Variants in BST1 observed in about 807,000 individuals in gnomAD.
BST1 encodes ADP-ribosyl cyclase/cyclic ADP-ribose hydrolase 2.
A neutral mutation model predicts 40.6 loss-of-function variants in BST1; 49 were observed. The observed-to-expected ratio is 1.21, with a 90% CI of 0.96 to 1.53. BST1 has a LOEUF of 1.53. Among genes scored for constraint, BST1 ranks in the 40% most tolerant of loss-of-function variants. The pLI is 0.00. For missense variants in BST1, 423 were observed against 395.9 expected (o/e 1.07, Z -0.58); for synonymous variants, 157 against 159.3 (o/e 0.99, Z 0.11).
At chr4:15,736,243 AG>A, downstream of BST1, 1 of 674,368 alleles carries the variant, frequency 1.5e-6, no homozygotes, top group Non-Finnish European at 2.2e-6. Context: ...GTCCTACGCT[AG>A]GGTCCTGAGT....
At chr4:15,756,199 A>T in the BST1 span, among the ~76,000 whole-genome samples, 5 of 152,162 alleles carry the variant, frequency 3.3e-5, no homozygotes, top group Non-Finnish European at 7.4e-5. Flanking sequence ...AAAAGACTGC[A>T]GGGTGGGTTG....
At chr4:15,738,818 G>A (rs921014003), downstream of BST1, among the ~76,000 whole-genome samples, 4 of 152,186 alleles carry the variant, frequency 2.6e-5, no homozygotes, top group African/African-American at 9.7e-5. Flanking sequence ...TATTTCTCCT[G>A]CTGTGAAAAT....
chr4:15,764,171 C>G, the BST1 span, among the ~76,000 whole-genome samples: 1 of 151,818 alleles, frequency 6.6e-6, no homozygotes, highest in Non-Finnish European at 1.5e-5. Flanking sequence ...AATAGGAGAA[C>G]ATTCTGTATT....
downstream of BST1, among the ~76,000 whole-genome samples, chr4:15,741,930 A>G (rs970593348): frequency 1.2e-4 from 18 of 152,234 alleles, no homozygotes; most frequent in African/African-American, 4.3e-4. Flanking sequence ...CTCCAGATGC[A>G]TAATATGGTT....
chr4:15,709,545 A>G (rs1720071667), intron 3 of BST1, among the ~76,000 whole-genome samples: 1 of 152,068 alleles, frequency 6.6e-6, no homozygotes, highest in South Asian at 2.1e-4. Context: ...GGGTGGGGAG[A>G]AGGAGGGGAG....
chr4:15,764,885 T>A, the BST1 span, among the ~76,000 whole-genome samples: 1 of 151,498 alleles, frequency 6.6e-6, no homozygotes, highest in African/African-American at 2.4e-5. Context: ...TGTGTGTGTG[T>A]GTGTGTGTGT....
At chr4:15,705,759 G>T in intron 2 of BST1, 118 bp downstream of exon 2, 1 of 1,347,994 alleles carries the variant, frequency 7.4e-7, no homozygotes, top group Non-Finnish European at 1.0e-6. Flanking sequence ...AGAAACATCA[G>T]GCAGCACACA....
downstream of BST1, among the ~76,000 whole-genome samples, chr4:15,739,793 A>G (rs1369562010): frequency 6.6e-6 from 1 of 152,200 alleles, no homozygotes; most frequent in Non-Finnish European, 1.5e-5. Context: ...AGATGTGTAC[A>G]GAAATATAAT....
At chr4:15,731,447 G>T in intron 8 of BST1, 1 of 730,974 alleles carries the variant, frequency 1.4e-6, no homozygotes, top group South Asian at 1.4e-5. Context: ...AGAACTTGGG[G>T]CAGGGAGTGG....
the BST1 span, among the ~76,000 whole-genome samples, chr4:15,768,703 A>G: frequency 2.0e-5 from 3 of 151,114 alleles, no homozygotes; most frequent in Non-Finnish European, 4.4e-5. Flanking sequence ...TCACCTCGTT[A>G]GCCAGGATGG....
At chr4:15,713,656 A>C (rs1356676627) in intron 4 of BST1, among the ~76,000 whole-genome samples, 4 of 152,142 alleles carry the variant, frequency 2.6e-5, no homozygotes, top group Admixed American at 1.3e-4. Context: ...TCAGACTTTC[A>C]ACCACGACGT....
intron 3 of BST1, 68 bp from the exon 4 acceptor site, chr4:15,711,739 T>G: frequency 7.9e-7 from 1 of 1,264,838 alleles, no homozygotes; most frequent in Non-Finnish European, 1.2e-6. Flanking sequence ...TGGGATATAT[T>G]GTAAGTTAAT....
chr4:15,725,365 G>T (rs190483872), intron 8 of BST1, among the ~76,000 whole-genome samples: 62 of 152,252 alleles, frequency 4.1e-4, no homozygotes, highest in African/African-American at 1.4e-3. Flanking sequence ...ACATCCCAGG[G>T]TTCGGTGATG....
At position 15,723,734 on chromosome 4, in the gene BST1, T is replaced by C. The variant is rs904573496; in HGVS notation, c.851+800T>C. ...GAGTTGCTGAGTCAAAGAATGTGTGTGTATTTTAAATTTTGATATGTTCTG... is the reference window on the plus strand; with the variant it reads ...GAGTTGCTGAGTCAAAGAATGTGTGCGTATTTTAAATTTTGATATGTTCTG... On this transcript the variant is annotated intron_variant, in intron 8 of 8. Coordinates refer to ENST00000265016, the MANE Select transcript of BST1 (RefSeq NM_004334.3). The C allele has an allele frequency of 1.8e-5, 11 of 623,734 alleles. No individual in the cohort carries two copies. The African/African-American group carries it at 2.0e-4, about 11-fold the overall frequency. 38.6% of individuals were successfully genotyped at this position (623,734 alleles called of 1,614,324 possible). A position where few individuals can be genotyped will look rare whatever the true frequency, so the allele number is the denominator to read the frequency against.
chr4:15,713,564 G>A (rs1720338586), intron 4 of BST1, among the ~76,000 whole-genome samples: 1 of 152,154 alleles, frequency 6.6e-6, no homozygotes, highest in African/African-American at 2.4e-5. Context: ...GTAAGGTACA[G>A]AGAGGTCAAG....
At chr4:15,773,253 A>G in the BST1 span, among the ~76,000 whole-genome samples, 1 of 152,366 alleles carries the variant, frequency 6.6e-6, no homozygotes, top group South Asian at 2.1e-4. Flanking sequence ...GAGAGGCAAG[A>G]GTCAAAGACT....
At chr4:15,712,653 T>C (rs1020323124) in intron 4 of BST1, among the ~76,000 whole-genome samples, 2 of 152,180 alleles carry the variant, frequency 1.3e-5, no homozygotes, top group African/African-American at 4.8e-5. Context: ...AGGTATCCAC[T>C]AGGTTGATTG....
the BST1 span, among the ~76,000 whole-genome samples, chr4:15,753,308 C>A: frequency 6.6e-6 from 1 of 152,160 alleles, no homozygotes; most frequent in Non-Finnish European, 1.5e-5. Flanking sequence ...ATGGGACTTT[C>A]AGAAGTCCAT....
At chr4:15,770,148 A>AT in the BST1 span, among the ~76,000 whole-genome samples, 62,687 of 150,556 alleles carry the variant, frequency 0.42, 14,798 homozygotes, top group African/African-American at 0.67. Flanking sequence ...CTAAAATGTG[A>AT]TTTTTTTTTT....
Sources: gnomAD v4.1 joint callset for allele counts (sites outside exome capture counted in the v4.1 genomes callset) on GRCh38, gnomAD v4.1.1 for gene constraint, MANE v1.5 for transcripts, NCBI Gene and HGNC (gene_info 2026-07-23, HGNC 2026-07-21) for gene names.